The following SLC24A3 variants were observed in gnomAD, a reference collection of about 807,000 sequenced individuals.
SLC24A3 encodes the protein sodium/potassium/calcium exchanger 3.
A neutral mutation model predicts 75.8 loss-of-function variants in SLC24A3; 28 were observed. The ratio of observed to expected loss-of-function variants is 0.37; its 90% CI spans 0.27 to 0.51. SLC24A3 has a LOEUF of 0.51. SLC24A3 is among the 20% of genes least tolerant of loss of function. The pLI, the probability that SLC24A3 is intolerant of heterozygous loss-of-function variation, is 0.94. For synonymous variants in SLC24A3, 372 were observed against 334.1 expected (o/e 1.11, Z -1.24); for missense variants, 663 against 847.8 (o/e 0.78, Z 2.71).
chr20:19,586,868 C>T (rs1029857596), intron 6 of SLC24A3, among the ~76,000 whole-genome samples: 8 of 152,172 alleles, frequency 5.3e-5, no homozygotes. Flanking sequence ...AATGATTTCC[C>T]TCTTCTCATC....
intron 2 of SLC24A3, chr20:19,354,989 AC>A (rs1269949348): frequency 6.7e-6 from 1 of 149,966 alleles, no homozygotes; most frequent in African/African-American, 2.5e-5. Flanking sequence ...ACTCCAACTC[AC>A]CTTCTTGGTG....
At chr20:19,717,289 G>A (rs773872752) in intron 15 of SLC24A3, among the ~76,000 whole-genome samples, 22 of 152,204 alleles carry the variant, frequency 1.4e-4, no homozygotes, top group Non-Finnish European at 2.4e-4. Flanking sequence ...GCTATTGAGG[G>A]TAAGGCCAGG....
intron 2 of SLC24A3, among the ~76,000 whole-genome samples, chr20:19,441,470 A>C (rs1407389937): frequency 2.0e-5 from 3 of 152,168 alleles, no homozygotes; most frequent in Admixed American, 2.0e-4. Context: ...ACCTCCAGGG[A>C]ACAGAAATAT....
At chr20:19,366,211 ATGG>A (rs1375336712) in intron 2 of SLC24A3, among the ~76,000 whole-genome samples, 1 of 152,160 alleles carries the variant, frequency 6.6e-6, no homozygotes, top group Non-Finnish European at 1.5e-5. Flanking sequence ...CTGATTTTTA[ATGG>A]TGAAGATTCA....
intron 2 of SLC24A3, among the ~76,000 whole-genome samples, chr20:19,469,309 T>G (rs1987824135): frequency 6.6e-6 from 1 of 152,184 alleles, no homozygotes; most frequent in South Asian, 2.1e-4. Context: ...AGAAATGGTT[T>G]GGTGGCAGCA....
intron 2 of SLC24A3, among the ~76,000 whole-genome samples, chr20:19,426,053 A>G (rs1298935954): frequency 6.6e-6 from 1 of 152,220 alleles, no homozygotes; most frequent in African/African-American, 2.4e-5. Context: ...CTTTATTGCT[A>G]CCGAAATATC....
At chr20:19,616,461 A>G (rs1196164902) in intron 6 of SLC24A3, among the ~76,000 whole-genome samples, 1 of 152,192 alleles carries the variant, frequency 6.6e-6, no homozygotes, top group Non-Finnish European at 1.5e-5. Flanking sequence ...GGCAGGGGAC[A>G]ACATGTTAGG....
At chr20:19,477,486 A>G (rs2122514628) in intron 2 of SLC24A3, among the ~76,000 whole-genome samples, 1 of 152,350 alleles carries the variant, frequency 6.6e-6, no homozygotes, top group Non-Finnish European at 1.5e-5. Flanking sequence ...TAAAGTCATT[A>G]CCCAGAAGTA....
intron 2 of SLC24A3, among the ~76,000 whole-genome samples, chr20:19,456,901 T>C (rs1021448269): frequency 2.0e-5 from 3 of 152,206 alleles, no homozygotes; most frequent in African/African-American, 7.2e-5. Context: ...GTACAGTGTG[T>C]TCACAGAGAT....
At chr20:19,406,991 C>T (rs1241377876) in intron 2 of SLC24A3, among the ~76,000 whole-genome samples, 3 of 150,294 alleles carry the variant, frequency 2.0e-5, no homozygotes, top group Non-Finnish European at 4.4e-5. Flanking sequence ...ACACATATCA[C>T]TCACCAATCA....
chr20:19,311,041 T>C (rs1181407335), intron 2 of SLC24A3, among the ~76,000 whole-genome samples: 1 of 151,568 alleles, frequency 6.6e-6, no homozygotes, highest in African/African-American at 2.4e-5. Flanking sequence ...TTCCTTCCCT[T>C]TCCTTCCTTC....
intron 3 of SLC24A3, among the ~76,000 whole-genome samples, chr20:19,564,943 G>T (rs2030931825): frequency 6.6e-6 from 1 of 152,170 alleles, no homozygotes; most frequent in Non-Finnish European, 1.5e-5. Flanking sequence ...CAAGTAGCTG[G>T]TATTACAGGC....
At chr20:19,234,118 C>A (rs574721574) in intron 1 of SLC24A3, among the ~76,000 whole-genome samples, 8 of 152,306 alleles carry the variant, frequency 5.3e-5, no homozygotes, top group Admixed American at 5.2e-4. Context: ...ATTGAGATTG[C>A]ACAGCTCGGA....
intron 2 of SLC24A3, among the ~76,000 whole-genome samples, chr20:19,393,118 A>T (rs1986394236): frequency 6.6e-6 from 1 of 152,254 alleles, no homozygotes; most frequent in African/African-American, 2.4e-5. Context: ...ATTATTAAAA[A>T]TATGCATAAT....
chr20:19,451,776 G>A (rs1439616654), intron 2 of SLC24A3, among the ~76,000 whole-genome samples: 1 of 152,134 alleles, frequency 6.6e-6, no homozygotes, highest in African/African-American at 2.4e-5. Context: ...CCTCTTCTCT[G>A]CATGCCTGCC....
intron 2 of SLC24A3, among the ~76,000 whole-genome samples, chr20:19,440,840 G>A (rs940034336): frequency 6.6e-6 from 1 of 152,080 alleles, no homozygotes; most frequent in Admixed American, 6.5e-5. Context: ...CTCGGGTGGA[G>A]GGCCCTGGGT....
intron 2 of SLC24A3, among the ~76,000 whole-genome samples, chr20:19,448,171 A>G (rs1396077821): frequency 6.6e-6 from 1 of 152,246 alleles, no homozygotes; most frequent in African/African-American, 2.4e-5. Flanking sequence ...CAGGATGGCT[A>G]GACCTGGTCT....
chr20:19,463,603 T>G (rs770082493), intron 2 of SLC24A3, among the ~76,000 whole-genome samples: 1 of 152,096 alleles, frequency 6.6e-6, no homozygotes, highest in Non-Finnish European at 1.5e-5. Flanking sequence ...TCAGTTACAG[T>G]GGGAACTGTG....
chr20:19,291,604 A>G (rs1983943155), intron 2 of SLC24A3, among the ~76,000 whole-genome samples: 1 of 152,204 alleles, frequency 6.6e-6, no homozygotes, highest in African/African-American at 2.4e-5. Flanking sequence ...TTTGGCTGAA[A>G]TGTCTATAAT....
Sources: allele counts gnomAD v4.1 joint callset (sites outside exome capture counted in the v4.1 genomes callset), GRCh38; gene constraint gnomAD v4.1.1; transcripts MANE v1.5; gene names NCBI Gene and HGNC (gene_info 2026-07-23, HGNC 2026-07-21).